Variants in ABCC1 observed in about 807,000 individuals in gnomAD.
The protein encoded by ABCC1 is multidrug resistance-associated protein 1.
A neutral mutation model predicts 172.9 loss-of-function variants in ABCC1; 83 were observed. The ratio of observed to expected loss-of-function variants is 0.48; its 90% confidence interval spans 0.40 to 0.58. The LOEUF (loss-of-function observed/expected upper bound fraction) is 0.58, where lower values mean the gene tolerates loss of function less well. ABCC1 is among the 20% of genes least tolerant of loss of function. ABCC1 has a pLI of 0.00. For missense variants in ABCC1, 1,817 were observed against 2,002.7 expected, an observed-to-expected ratio of 0.91 and a Z score of 1.77; for synonymous variants, 937 against 825.2, an observed-to-expected ratio of 1.14 and a Z score of -2.32.
intron 1 of ABCC1, among the ~76,000 whole-genome samples, chr16:15,990,291 C>T (rs1391389669): frequency 1.3e-5 from 2 of 152,284 alleles, no homozygotes; most frequent in Middle Eastern, 3.4e-3. Flanking sequence ...AAGTGATCCA[C>T]CCTCCTCGGC....
In ABCC1 at chr16:15,957,542, C is replaced by T. The variant is rs1043284998; in HGVS notation, c.48+7743C>T. Among the ~76,000 whole-genome samples the T allele has an allele frequency of 7.4e-4, 112 of 152,140 alleles. 1 individual carries two copies. Among genetic ancestry groups the T allele is most frequent in the Non-Finnish European group, 2.9e-5 (2 of 68,016 alleles). ...CAAGCTAGGGGTTAGATATAGCTCA[C>T]CACTGTGCTGGTTTGGCTTGATTTT... On this transcript the variant is annotated intron_variant, in intron 1 of 30. Coordinates refer to ENST00000399410, the MANE Select transcript of ABCC1 (RefSeq NM_004996.4).
intron 7 of ABCC1, among the ~76,000 whole-genome samples, chr16:16,039,412 T>TGA (rs2048890399): frequency 6.6e-6 from 1 of 150,718 alleles, no homozygotes; most frequent in South Asian, 2.1e-4. Flanking sequence ...GGATTACAGG[T>TGA]GCATGCCACC....
intron 1 of ABCC1, among the ~76,000 whole-genome samples, chr16:15,989,832 A>G (rs1170971553): frequency 6.6e-6 from 1 of 152,138 alleles, no homozygotes; most frequent in East Asian, 1.9e-4. Context: ...ACCTGAACGC[A>G]GTGCCTGGTA....
chr16:15,990,623 G>A (rs917731450), intron 1 of ABCC1, among the ~76,000 whole-genome samples: 3 of 151,878 alleles, frequency 2.0e-5, no homozygotes, highest in Non-Finnish European at 2.9e-5. Flanking sequence ...TTCTCCAGGC[G>A]CATCCATGTT....
At chr16:16,128,960 A>G (rs1321489591) in intron 26 of ABCC1, among the ~76,000 whole-genome samples, 14 of 152,152 alleles carry the variant, frequency 9.2e-5, no homozygotes, top group Non-Finnish European at 4.4e-5. Flanking sequence ...ACATCACTGC[A>G]CTCCAGCCTG....
At chr16:16,098,831 G>T (rs776959595) in intron 19 of ABCC1, 2 of 1,351,098 alleles carry the variant, frequency 1.5e-6, no homozygotes, top group South Asian at 2.3e-5. Flanking sequence ...CGGGAGTTTC[G>T]CTTTGCTTCT....
At chr16:16,097,223 C>T (rs907360941) in intron 19 of ABCC1, among the ~76,000 whole-genome samples, 2 of 152,182 alleles carry the variant, frequency 1.3e-5, no homozygotes, top group Admixed American at 1.3e-4. Context: ...AGTGATTCTC[C>T]TGCCGCAACC....
chr16:16,007,854 C>T lies in ABCC1; in HGVS notation c.87C>T (p.Phe29=), dbSNP rs753066610. ...NVTWNTSNPD[F]TKCFQNTVLV... Reference sequence around the variant, plus strand: ...CGTGGAATACCAGCAACCCCGACTTCACCAAGTGCTTTCAGAACACGGTCC... The same window carrying T: ...CGTGGAATACCAGCAACCCCGACTTTACCAAGTGCTTTCAGAACACGGTCC... Residue 29 remains phenylalanine (F), a synonymous_variant, in exon 2 of 31, where the codon TTC becomes TTT. Coordinates refer to ENST00000399410, the MANE Select transcript of ABCC1 (RefSeq NM_004996.4). The T allele has an allele frequency of 3.1e-6, 5 of 1,613,232 alleles. No homozygotes were observed. The highest frequency in any genetic ancestry group is 4.5e-5 in the East Asian group (2 of 44,846).
At chr16:15,990,802 G>A (rs865898356) in intron 1 of ABCC1, among the ~76,000 whole-genome samples, 64 of 146,772 alleles carry the variant, frequency 4.4e-4, no homozygotes, top group African/African-American at 1.5e-3. Context: ...GGTGCCTGCC[G>A]CCACGCCCGG....
At chr16:15,967,529 G>GC (rs2046270876) in intron 1 of ABCC1, among the ~76,000 whole-genome samples, 1 of 151,524 alleles carries the variant, frequency 6.6e-6, no homozygotes, top group Non-Finnish European at 1.5e-5. Flanking sequence ...GATCACTTGA[G>GC]CCCAGGAGTT....
chr16:15,969,904 G>A (rs1384297474), intron 1 of ABCC1, among the ~76,000 whole-genome samples: 2 of 152,002 alleles, frequency 1.3e-5, no homozygotes, highest in Admixed American at 1.3e-4. Flanking sequence ...GGAATCGAGC[G>A]GTATACAGAG....
intron 21 of ABCC1, among the ~76,000 whole-genome samples, chr16:16,107,601 C>G (rs1233143428): frequency 6.6e-6 from 1 of 152,152 alleles, no homozygotes; most frequent in Non-Finnish European, 1.5e-5. Flanking sequence ...TTTTTCATTT[C>G]TCATTTGGTC....
intron 1 of ABCC1, among the ~76,000 whole-genome samples, chr16:15,973,935 C>T (rs1192828196): frequency 2.6e-5 from 4 of 151,914 alleles, no homozygotes; most frequent in African/African-American, 4.8e-5. Context: ...CGGTGAGCCA[C>T]GATTGCACCA....
At position 16,056,670 on chromosome 16, in the gene ABCC1, A is replaced by G. The variant is rs182229341; in HGVS notation, c.1677+375A>G. ...GGCGACAGAGCAAGACCTTGTCTCAAAAACAAACAAAAAAGTCACTATGTC... is the reference window on the plus strand; with the variant it reads ...GGCGACAGAGCAAGACCTTGTCTCAGAAACAAACAAAAAAGTCACTATGTC... On this transcript the variant is annotated intron_variant, in intron 12 of 30. Coordinates refer to ENST00000399410, the MANE Select transcript of ABCC1 (RefSeq NM_004996.4). The G allele has an allele frequency of 5.5e-4, 125 of 225,486 alleles. 1 individual carries two copies. The highest frequency in any genetic ancestry group is 2.8e-3 in the African/African-American group (121 of 43,632). 14.0% of individuals were successfully genotyped at this position (225,486 alleles called of 1,614,324 possible). A position where few individuals can be genotyped will look rare whatever the true frequency, so the allele number is the denominator to read the frequency against.
chr16:16,025,693 C>T (rs1181018906), intron 5 of ABCC1, among the ~76,000 whole-genome samples: 3 of 152,122 alleles, frequency 2.0e-5, no homozygotes, highest in Non-Finnish European at 4.4e-5. Flanking sequence ...CTGGGGCTGC[C>T]GTACCTAATT....
intron 7 of ABCC1, among the ~76,000 whole-genome samples, chr16:16,037,242 TTGAA>T (rs1228272081): frequency 1.3e-5 from 2 of 152,354 alleles, no homozygotes; most frequent in East Asian, 3.9e-4. Context: ...TTCTTGCTGT[TTGAA>T]TGTTCTGTCC....
chr16:16,109,619 C>G (rs923009647), intron 21 of ABCC1, among the ~76,000 whole-genome samples: 2 of 152,184 alleles, frequency 1.3e-5, no homozygotes, highest in Non-Finnish European at 2.9e-5. Flanking sequence ...TGCCCTGTCT[C>G]TCATGTCAGG....
intron 5 of ABCC1, among the ~76,000 whole-genome samples, chr16:16,022,164 C>T (rs978354319): frequency 3.9e-5 from 6 of 152,166 alleles, no homozygotes; most frequent in Non-Finnish European, 7.4e-5. Flanking sequence ...TCAGGCAGGG[C>T]GTGGGTGGGA....
At chr16:16,015,387 C>T (rs1275207080) in intron 4 of ABCC1, among the ~76,000 whole-genome samples, 1 of 152,146 alleles carries the variant, frequency 6.6e-6, no homozygotes, top group African/African-American at 2.4e-5. Context: ...ATCCACCCGC[C>T]TCGGCCTCCC....
Sources: allele counts gnomAD v4.1 joint callset (sites outside exome capture counted in the v4.1 genomes callset), GRCh38; gene constraint gnomAD v4.1.1; transcripts MANE v1.5; gene names NCBI Gene and HGNC (gene_info 2026-07-23, HGNC 2026-07-21).